The following TAB2 variants were observed in gnomAD, a reference collection of about 807,000 sequenced individuals.
TAB2 encodes the protein TGF-beta-activated kinase 1 and MAP3K7-binding protein 2.
Under a neutral mutation model 65.0 loss-of-function variants are expected in TAB2, and 3 were observed. That is an observed-to-expected ratio of 0.05 (90% CI 0.02 to 0.12). The LOEUF is 0.12. Ranked by LOEUF, TAB2 falls within the 10% of genes least tolerant of loss-of-function variation. TAB2 has a pLI of 1.00. For synonymous variants in TAB2, 298 were observed against 285.1 expected (o/e 1.05, Z -0.46); for missense variants, 623 against 840.3 (o/e 0.74, Z 3.20).
At chr6:149,381,508 TTAAC>T (rs1488041159) in intron 3 of TAB2, among the ~76,000 whole-genome samples, 1 of 152,038 alleles carries the variant, frequency 6.6e-6, no homozygotes, top group Non-Finnish European at 1.5e-5. Context: ...ATATTCATGT[TTAAC>T]TAGAATGTGA....
chr6:149,323,902 AT>A (rs1779525398), intron 1 of TAB2, among the ~76,000 whole-genome samples: 1 of 134,306 alleles, frequency 7.4e-6, no homozygotes, highest in Admixed American at 8.2e-5. Context: ...ACAACTGAAT[AT>A]TTTATACTCT....
chr6:149,218,426 A>G (rs1777067925), upstream of TAB2, among the ~76,000 whole-genome samples: 1 of 152,240 alleles, frequency 6.6e-6, no homozygotes, highest in Admixed American at 6.5e-5. Context: ...TTTGGAATTA[A>G]GATTTAAAAG....
At position 149,410,220 on chromosome 6, in the gene TAB2, T is replaced by C. The variant is rs187462907; in HGVS notation, c.*501T>C. 1.9e-4 allele frequency: 33 copies of C among 175,336 alleles called. No homozygotes were observed. The highest frequency in any genetic ancestry group is 1.1e-4 in the Non-Finnish European group (9 of 81,584). 10.9% of individuals were successfully genotyped at this position (175,336 alleles called of 1,614,324 possible). ...GAAGAACTTCAGAAATCTGTGGTAC[T>C]CTTGGCCTTGTCTTTGTCTTCCCTG... On this transcript the variant is annotated 3_prime_UTR_variant, in exon 7 of 7. Coordinates refer to ENST00000637181, the MANE Select transcript of TAB2 (RefSeq NM_001292034.3).
At chr6:149,340,159 A>G (rs1780071063) in intron 1 of TAB2, among the ~76,000 whole-genome samples, 2 of 152,220 alleles carry the variant, frequency 1.3e-5, no homozygotes, top group African/African-American at 4.8e-5. Flanking sequence ...CTTAAACTAC[A>G]ATTTAAAGGA....
chr6:149,333,959 G>A (rs571313376), intron 1 of TAB2, among the ~76,000 whole-genome samples: 49 of 152,212 alleles, frequency 3.2e-4, no homozygotes, highest in Admixed American at 5.9e-4. Context: ...ACTGAGTCTC[G>A]TATAGAGGTG....
intron 1 of TAB2, chr6:149,244,262 A>C (rs1236164663): frequency 6.6e-6 from 1 of 152,234 alleles, no homozygotes; most frequent in African/African-American, 2.4e-5. Flanking sequence ...AGCCTCTACT[A>C]CATGCTGGGC....
At chr6:149,327,940 T>A (rs1779666933) in intron 1 of TAB2, among the ~76,000 whole-genome samples, 1 of 152,222 alleles carries the variant, frequency 6.6e-6, no homozygotes, top group East Asian at 1.9e-4. Context: ...ATTCTCTTCA[T>A]GAGATTTTTC....
chr6:149,370,902 C>A (rs9498334), intron 2 of TAB2, among the ~76,000 whole-genome samples: 35,742 of 151,340 alleles, frequency 0.24, 4,408 homozygotes, highest in Non-Finnish European at 0.26. Flanking sequence ...CCTGTCTCTA[C>A]TGAAAATACC....
intron 1 of TAB2, among the ~76,000 whole-genome samples, chr6:149,320,136 G>C (rs75441500): frequency 0.033 from 5,081 of 152,190 alleles, 292 homozygotes; most frequent in African/African-American, 0.12. Context: ...GAGTGCAGTA[G>C]TGCGATCTTG....
At chr6:149,260,504 A>AG (rs1778130766) in intron 1 of TAB2, among the ~76,000 whole-genome samples, 1 of 152,248 alleles carries the variant, frequency 6.6e-6, no homozygotes, top group Non-Finnish European at 1.5e-5. Flanking sequence ...GAGCTGTTGC[A>AG]GAAGCCCATC....
chr6:149,332,996 C>T (rs1055386782), intron 1 of TAB2, among the ~76,000 whole-genome samples: 7 of 152,124 alleles, frequency 4.6e-5, no homozygotes, highest in Non-Finnish European at 1.0e-4. Flanking sequence ...TTTATTTACC[C>T]CCATTGCAAG....
intron 1 of TAB2, among the ~76,000 whole-genome samples, chr6:149,303,833 G>A (rs1035464390): frequency 6.6e-6 from 1 of 152,214 alleles, no homozygotes; most frequent in Non-Finnish European, 1.5e-5. Context: ...CAGATGGAAA[G>A]GTAAAGGTGA....
At chr6:149,357,861 G>T (rs981719723) in intron 1 of TAB2, among the ~76,000 whole-genome samples, 1 of 151,872 alleles carries the variant, frequency 6.6e-6, no homozygotes. Context: ...CCCTACGCCC[G>T]GCTGATTTTT....
intron 1 of TAB2, among the ~76,000 whole-genome samples, chr6:149,258,546 A>G (rs907947166): frequency 3.9e-5 from 6 of 152,272 alleles, no homozygotes; most frequent in Admixed American, 6.5e-5. Flanking sequence ...TGAACATACA[A>G]CTATTCTTTG....
At chr6:149,314,047 C>T (rs189720650), upstream of TAB2, among the ~76,000 whole-genome samples, 1 of 152,328 alleles carries the variant, frequency 6.6e-6, no homozygotes, top group East Asian at 1.9e-4. Flanking sequence ...GTTTCTCAAT[C>T]TTTCAGACTT....
intron 1 of TAB2, among the ~76,000 whole-genome samples, chr6:149,287,123 G>A (rs921000021): frequency 4.6e-5 from 7 of 151,714 alleles, no homozygotes; most frequent in Non-Finnish European, 1.0e-4. Flanking sequence ...TCTCAAAAAC[G>A]AAACAAAAAC....
chr6:149,317,600 G>C (rs517366), upstream of TAB2: 35 of 155,906 alleles, frequency 2.2e-4, no homozygotes, highest in South Asian at 5.3e-3. This position sits in a 1 kb window ranked among gnomAD's most constrained non-coding sequence, Gnocchi z 4.7. Context: ...GCGAGCGAGA[G>C]CTGGGGGGGT....
At chr6:149,335,355 C>T (rs1186314091) in intron 1 of TAB2, among the ~76,000 whole-genome samples, 1 of 150,570 alleles carries the variant, frequency 6.6e-6, no homozygotes, top group African/African-American at 2.4e-5. Flanking sequence ...GTATATATAA[C>T]ATATATATAA....
At chr6:149,305,489 C>T (rs572226662) in intron 1 of TAB2, among the ~76,000 whole-genome samples, 3 of 152,090 alleles carry the variant, frequency 2.0e-5, no homozygotes, top group Non-Finnish European at 4.4e-5. Context: ...AAAGCACCTC[C>T]TAATTACTTC....
Sources: gnomAD v4.1 joint callset for allele counts (sites outside exome capture counted in the v4.1 genomes callset) on GRCh38, gnomAD v4.1.1 for gene constraint, Gnocchi (gnomAD v3.1) non-coding constraint, MANE v1.5 for transcripts, NCBI Gene and HGNC (gene_info 2026-07-23, HGNC 2026-07-21) for gene names.